ANGEL2: variants seen among roughly 807,000 people sequenced by gnomAD.
ANGEL2 encodes the protein RNA 2',3'-cyclic phosphatase ANGEL2.
In ANGEL2, 41 loss-of-function variants were observed where a neutral mutation model predicts 66.0. The observed-to-expected ratio is 0.62, with a 90% CI of 0.48 to 0.81. ANGEL2 has a LOEUF of 0.81. ANGEL2 is among the 30% of genes least tolerant of loss of function. The pLI is 0.00. For missense variants in ANGEL2, 561 were observed against 641.6 expected (o/e 0.87, Z 1.36); for synonymous variants, 208 against 226.5 (o/e 0.92, Z 0.73).
rs762373866 is a variant in ANGEL2 at position 213,000,358 on chromosome 1, C to A, written c.1287G>T (p.Leu429=). 5.1e-5 allele frequency: 83 copies of A among 1,613,762 alleles called. No individual in the cohort carries two copies. The highest frequency in any genetic ancestry group is 6.9e-5 in the Non-Finnish European group (81 of 1,179,820). ...CTGTCACTAGGACCTCTGTTTGCTT[C>A]AGCTGTGTTTGTGTCAGATCACTGT... ...KTDSDLTQTQ[L]KQTEVLVTAE... The change falls in exon 7 of 9, where the codon CTG becomes CTT. Residue 429 remains leucine, a synonymous_variant. Coordinates refer to ENST00000366962, the MANE Select transcript of ANGEL2 (RefSeq NM_144567.5).
chr1:212,996,163 C>T (rs1168391059), intron 8 of ANGEL2, among the ~76,000 whole-genome samples: 2 of 152,030 alleles, frequency 1.3e-5, no homozygotes, highest in East Asian at 1.9e-4. Flanking sequence ...AAAAATTAGC[C>T]GGGCATGGTG....
At chr1:212,997,118 C>G (rs1367410296) in intron 8 of ANGEL2, 37 bp downstream of exon 8, 1 of 1,563,262 alleles carries the variant, frequency 6.4e-7, no homozygotes, top group Non-Finnish European at 8.7e-7. Context: ...AGCTACTGTG[C>G]TCTCTAGGAG....
chr1:212,995,402 A>G (rs112430953), intron 8 of ANGEL2, among the ~76,000 whole-genome samples: 3,461 of 152,304 alleles, frequency 0.023, 133 homozygotes, highest in African/African-American at 0.079. Context: ...TATTTTTTCT[A>G]TTTCCAGCTC....
At chr1:213,015,564 C>A in intron 1 of ANGEL2, 49 bp downstream of exon 1, 1 of 1,184,082 alleles carries the variant, frequency 8.4e-7, no homozygotes, top group Non-Finnish European at 1.1e-6. Context: ...CCCGCTCTTT[C>A]AGGCCGCCCG....
At chr1:213,004,581 TAGA>T (rs2076266726) in intron 5 of ANGEL2, among the ~76,000 whole-genome samples, 1 of 151,592 alleles carries the variant, frequency 6.6e-6, no homozygotes, top group Non-Finnish European at 1.5e-5. Flanking sequence ...AATTACTTAC[TAGA>T]AGAAGCTGGG....
intron 7 of ANGEL2, among the ~76,000 whole-genome samples, chr1:212,997,614 C>G (rs576785280): frequency 6.6e-6 from 1 of 152,266 alleles, no homozygotes; most frequent in East Asian, 1.9e-4. Context: ...AACATGTATT[C>G]TAACAAGTTT....
chr1:213,008,440 T>C lies in ANGEL2; in HGVS notation c.412A>G (p.Ile138Val). 1.9e-6 allele frequency: 3 copies of C among 1,613,680 alleles called. No individual in the cohort carries two copies. Among genetic ancestry groups the C allele is most frequent in the South Asian group, 1.1e-5 (1 of 91,024 alleles). ...GTTTTTTCTTTATCATGGCTACATA[T>C]ATATTCCCAATTCCGCTTTATCACA... ...QGVIKRNWEY[I>V]CSHDKEKTKI... Residue 138 changes from isoleucine to valine, a missense_variant, in exon 3 of 9, where the codon ATA becomes GTA. Coordinates refer to ENST00000366962, the MANE Select transcript of ANGEL2 (RefSeq NM_144567.5).
Position 213,005,427 on chromosome 1 carries a change from G to A in ANGEL2, c.740C>T (p.Thr247Ile). The A allele has an allele frequency of 6.2e-7, 1 of 1,608,304 alleles. No homozygotes were observed. Among genetic ancestry groups the A allele is most frequent in the Non-Finnish European group, 8.5e-7 (1 of 1,177,002 alleles). The change falls in exon 5 of 9, where the codon ACA becomes ATA. Residue 247 changes from threonine (T) to isoleucine (I), a missense_variant. Transcript: ENST00000366962. ...AGCACAGCCATCAGGTTTCCTTCCT[G>A]TCCGCATCTTATATTCACAGTGATA... ...LGYHCEYKMR[T>I]GRKPDGCAIC...
At chr1:213,015,080 G>A in intron 1 of ANGEL2, 1 of 975,304 alleles carries the variant, frequency 1.0e-6, no homozygotes, top group Non-Finnish European at 1.2e-6. Context: ...AATAATACAC[G>A]TGAAACAAGA....
At chr1:213,015,255 C>G in intron 1 of ANGEL2, 4 of 1,092,418 alleles carry the variant, frequency 3.7e-6, no homozygotes, top group Non-Finnish European at 4.5e-6. Flanking sequence ...CGCCGACGCT[C>G]GGTTCCCGGG....
At chr1:213,015,237 G>A in intron 1 of ANGEL2, 6 of 1,069,272 alleles carry the variant, frequency 5.6e-6, no homozygotes, top group Non-Finnish European at 5.7e-6. Flanking sequence ...GCGGAGAGGC[G>A]GCCTCCCCGC....
chr1:212,996,178 G>A (rs1466207144), intron 8 of ANGEL2, among the ~76,000 whole-genome samples: 4 of 151,938 alleles, frequency 2.6e-5, no homozygotes, highest in Admixed American at 2.0e-4. Context: ...ATGGTGGCGG[G>A]CGCCTGTAGT....
chr1:213,011,408 CG>C, intron 2 of ANGEL2: 1 of 1,128,874 alleles, frequency 8.9e-7, no homozygotes, highest in Non-Finnish European at 1.1e-6. Flanking sequence ...AGTGAAATAT[CG>C]GAAGTCACAA....
chr1:213,003,883 A>T (rs867502867), intron 5 of ANGEL2, among the ~76,000 whole-genome samples: 14 of 152,324 alleles, frequency 9.2e-5, no homozygotes, highest in African/African-American at 2.9e-4. Flanking sequence ...ACCTGTACTA[A>T]GAGAGATTAA....
At chr1:213,015,380 C>G (rs2076616112) in intron 1 of ANGEL2, 1 of 1,413,888 alleles carries the variant, frequency 7.1e-7, no homozygotes, top group Admixed American at 3.0e-5. Flanking sequence ...CCATGAACTC[C>G]GCGCCAAGAC....
At chr1:213,015,320 G>A (rs549840419) in intron 1 of ANGEL2, 1 of 1,338,088 alleles carries the variant, frequency 7.5e-7, no homozygotes, top group Non-Finnish European at 9.6e-7. Flanking sequence ...GCTGGGTTGG[G>A]GGAAGCAGGC....
At position 213,013,562 on chromosome 1, in the gene ANGEL2, C is replaced by T. The variant is rs1188416388; in HGVS notation, c.60-144G>A. On this transcript the variant is annotated intron_variant, in intron 1 of 8. Coordinates refer to ENST00000366962, the MANE Select transcript of ANGEL2 (RefSeq NM_144567.5). Reference sequence around the variant, plus strand: ...TCTGTGAAGGATGAAGAGGAAAGCACCCATGATTTACCTATTGGCATCAAT... The same window carrying T: ...TCTGTGAAGGATGAAGAGGAAAGCATCCATGATTTACCTATTGGCATCAAT... 7.9e-6 allele frequency: 6 copies of T among 758,432 alleles called. No individual in the cohort carries two copies. The East Asian group carries it at 1.6e-4, about 21-fold the overall frequency. The allele number at this position is 758,432 out of a possible 1,614,324, so 47.0% of individuals were successfully genotyped here. A position where few individuals can be genotyped will look rare whatever the true frequency, so the allele number is the denominator to read the frequency against.
intron 2 of ANGEL2, among the ~76,000 whole-genome samples, chr1:213,010,672 T>C (rs2076482241): frequency 6.6e-6 from 1 of 152,104 alleles, no homozygotes; most frequent in East Asian, 1.9e-4. Flanking sequence ...TCTTCTTATG[T>C]ATACAAGATG....
chr1:213,003,475 G>C (rs542700318), intron 5 of ANGEL2, among the ~76,000 whole-genome samples: 1 of 152,128 alleles, frequency 6.6e-6, no homozygotes, highest in Non-Finnish European at 1.5e-5. Context: ...CTTAGAGAGC[G>C]CTGCAGGGCT....
Sources: allele counts gnomAD v4.1 joint callset (sites outside exome capture counted in the v4.1 genomes callset), GRCh38; gene constraint gnomAD v4.1.1; transcripts MANE v1.5; gene names NCBI Gene and HGNC (gene_info 2026-07-23, HGNC 2026-07-21).